ADK: variants seen among roughly 807,000 people sequenced by gnomAD.
ADK encodes the protein N6,N6-dimethyladenosine kinase.
In ADK, 24 loss-of-function variants were observed where a neutral mutation model predicts 44.7. The observed-to-expected ratio is 0.54, with a 90% CI of 0.39 to 0.76. The LOEUF is 0.76. Among genes scored for constraint, ADK ranks in the 30% least tolerant of loss-of-function variants. ADK has a pLI of 0.00. For missense variants in ADK, 321 were observed against 425.1 expected, an observed-to-expected ratio of 0.76 and a Z score of 2.15; for synonymous variants, 128 against 142.6, an observed-to-expected ratio of 0.90 and a Z score of 0.73.
At chr10:74,330,117 A>G (rs1841168033) in intron 4 of ADK, among the ~76,000 whole-genome samples, 1 of 152,178 alleles carries the variant, frequency 6.6e-6, no homozygotes, top group South Asian at 2.1e-4. Context: ...GTAGTGAGCC[A>G]TGATTCTGCC....
At chr10:74,383,476 C>T (rs574571173) in intron 4 of ADK, among the ~76,000 whole-genome samples, 3 of 152,158 alleles carry the variant, frequency 2.0e-5, no homozygotes, top group Non-Finnish European at 2.9e-5. Flanking sequence ...AGCTATCCCA[C>T]GTAAGCCTCA....
chr10:74,285,721 G>A (rs1847138791), intron 3 of ADK, among the ~76,000 whole-genome samples: 1 of 151,962 alleles, frequency 6.6e-6, no homozygotes, highest in Non-Finnish European at 1.5e-5. Flanking sequence ...TAGACTGCTG[G>A]AATAGTCCAA....
chr10:74,514,307 A>G (rs1407243501), intron 6 of ADK, among the ~76,000 whole-genome samples: 1 of 152,160 alleles, frequency 6.6e-6, no homozygotes, highest in Non-Finnish European at 1.5e-5. Context: ...AGGTGAATAT[A>G]TTTGAGCTTT....
intron 6 of ADK, among the ~76,000 whole-genome samples, chr10:74,489,421 C>T (rs1847387011): frequency 6.6e-6 from 1 of 151,912 alleles, no homozygotes; most frequent in East Asian, 1.9e-4. Flanking sequence ...GATAGAATAA[C>T]AGCTCAATGA....
intron 3 of ADK, among the ~76,000 whole-genome samples, chr10:74,232,569 AC>A (rs1844812227): frequency 7.4e-6 from 1 of 134,676 alleles, no homozygotes; most frequent in African/African-American, 2.8e-5. Context: ...CCAAAAAAAA[AC>A]AAACAGAAAA....
At chr10:74,413,149 T>A (rs1255471169) in intron 6 of ADK, among the ~76,000 whole-genome samples, 2 of 152,104 alleles carry the variant, frequency 1.3e-5, no homozygotes, top group Non-Finnish European at 2.9e-5. Context: ...CAGAGCAGAT[T>A]TAACATAACT....
chr10:74,447,465 C>T (rs1025831736), intron 6 of ADK, among the ~76,000 whole-genome samples: 3 of 152,070 alleles, frequency 2.0e-5, no homozygotes, highest in African/African-American at 4.8e-5. Flanking sequence ...AATTTATGCC[C>T]TATTTTTAGG....
intron 6 of ADK, among the ~76,000 whole-genome samples, chr10:74,402,789 T>C (rs1843766268): frequency 6.6e-6 from 1 of 152,238 alleles, no homozygotes; most frequent in African/African-American, 2.4e-5. Context: ...GTTCTATTGC[T>C]GGCGAGGAGC....
chr10:74,370,227 C>T (rs1592112476), intron 4 of ADK, among the ~76,000 whole-genome samples: 2 of 152,248 alleles, frequency 1.3e-5, no homozygotes, highest in Middle Eastern at 3.4e-3. Context: ...AACAATTGTA[C>T]ACCTTAAATA....
rs1284705827 is a variant in ADK at position 74,151,221 on chromosome 10, A to G, written c.-58A>G. On this transcript the variant is annotated 5_prime_UTR_variant, in exon 1 of 11. Transcript: ENST00000539909. ...AGCGGTGATGCGAAGAGGGGGCGGG[A>G]CCAGAGAGTGGATGGCAGAGGTGGG... The G allele has an allele frequency of 2.0e-5, 31 of 1,533,318 alleles. No homozygotes were observed. The East Asian group carries it at 2.4e-4, about 12-fold the overall frequency. 95.0% of individuals were successfully genotyped at this position (1,533,318 alleles called of 1,614,324 possible). A position where few individuals can be genotyped will look rare whatever the true frequency, so the allele number is the denominator to read the frequency against.
chr10:74,584,233 C>T (rs777347451), intron 7 of ADK, among the ~76,000 whole-genome samples: 4 of 152,162 alleles, frequency 2.6e-5, no homozygotes, highest in Admixed American at 6.5e-5. Flanking sequence ...TTTGTTTATC[C>T]TGAGATCTTA....
chr10:74,648,408 C>G (rs141644266), intron 9 of ADK, among the ~76,000 whole-genome samples: 2,669 of 152,170 alleles, frequency 0.018, 72 homozygotes, highest in African/African-American at 0.061. Flanking sequence ...GGCCGGGCGC[C>G]GTGGCTCACA....
intron 4 of ADK, among the ~76,000 whole-genome samples, chr10:74,348,122 C>T (rs1222228169): frequency 6.6e-6 from 1 of 152,156 alleles, no homozygotes; most frequent in Non-Finnish European, 1.5e-5. Context: ...TGAGGAGACT[C>T]CGTGCCTTCT....
At chr10:74,610,089 G>C (rs968761486) in intron 9 of ADK, among the ~76,000 whole-genome samples, 4 of 152,132 alleles carry the variant, frequency 2.6e-5, no homozygotes, top group Admixed American at 6.6e-5. Context: ...AATAATTGAA[G>C]CAGGAACCTA....
chr10:74,599,581 C>G (rs1364602044), intron 8 of ADK, among the ~76,000 whole-genome samples: 2 of 152,184 alleles, frequency 1.3e-5, no homozygotes, highest in African/African-American at 4.8e-5. Context: ...TAAAAGCCCA[C>G]TGAATACAGA....
intron 7 of ADK, among the ~76,000 whole-genome samples, chr10:74,571,076 A>G (rs1344333506): frequency 1.3e-5 from 2 of 152,166 alleles, no homozygotes; most frequent in African/African-American, 2.4e-5. Flanking sequence ...TTCTGTTTAT[A>G]TGCTGGATTA....
intron 10 of ADK, among the ~76,000 whole-genome samples, chr10:74,688,777 C>T (rs1254088116): frequency 6.6e-6 from 1 of 152,064 alleles, no homozygotes. Flanking sequence ...TTAGCCAGAC[C>T]TGGTGGCAAA....
intron 3 of ADK, among the ~76,000 whole-genome samples, chr10:74,297,397 A>C (rs1224399909): frequency 2.0e-5 from 3 of 152,202 alleles, no homozygotes; most frequent in African/African-American, 7.2e-5. Context: ...TAGTATATTG[A>C]GTGTGAAACA....
At chr10:74,307,176 A>G (rs746874321) in intron 3 of ADK, among the ~76,000 whole-genome samples, 10 of 152,062 alleles carry the variant, frequency 6.6e-5, no homozygotes, top group South Asian at 2.1e-4. Flanking sequence ...TTTCTTGCCT[A>G]TTATGTTTTT....
Sources: gnomAD v4.1 joint callset for allele counts (sites outside exome capture counted in the v4.1 genomes callset) on GRCh38, gnomAD v4.1.1 for gene constraint, MANE v1.5 for transcripts, NCBI Gene and HGNC (gene_info 2026-07-23, HGNC 2026-07-21) for gene names.